Variants in DCLK1 observed in about 807,000 individuals in gnomAD.
The protein encoded by DCLK1 is doublecortin like kinase 1, also known as serine/threonine-protein kinase DCLK1.
A neutral mutation model predicts 86.2 loss-of-function variants in DCLK1; 16 were observed. That is an observed-to-expected ratio of 0.19 (90% CI 0.13 to 0.28). The LOEUF (loss-of-function observed/expected upper bound fraction) is 0.28, where lower values mean the gene tolerates loss of function less well. DCLK1 is among the 10% of genes least tolerant of loss of function. The pLI is 1.00. For synonymous variants in DCLK1, 369 were observed against 370.5 expected (o/e 1.00, Z 0.05); for missense variants, 590 against 940.2 (o/e 0.63, Z 4.87).
chr13:35,769,107 C>A lies in DCLK1; in HGVS notation c.*5428G>T, dbSNP rs943240912. 6 of 152,084 alleles carry A rather than the reference C, an allele frequency of 3.9e-5. No homozygotes were observed. The highest frequency in any genetic ancestry group is 1.4e-4 in the African/African-American group (6 of 41,412). 9.4% of individuals were successfully genotyped at this position (152,084 alleles called of 1,614,324 possible). On this transcript the variant is annotated 3_prime_UTR_variant, in exon 17 of 17. Coordinates refer to ENST00000360631, the MANE Select transcript of DCLK1 (RefSeq NM_001330071.2). ...CACAGATGATTTCATTCCACATTAACCTACATGTATCAGCTTAAACTGAAG... is the reference window on the plus strand; with the variant it reads ...CACAGATGATTTCATTCCACATTAAACTACATGTATCAGCTTAAACTGAAG...
intron 3 of DCLK1, among the ~76,000 whole-genome samples, chr13:36,050,207 A>G (rs1008364242): frequency 6.6e-6 from 1 of 152,210 alleles, no homozygotes; most frequent in Non-Finnish European, 1.5e-5. Context: ...TGGGCCTATT[A>G]ATAGTTGATG....
chr13:35,834,691 C>G (rs1869223746), intron 8 of DCLK1, among the ~76,000 whole-genome samples: 1 of 152,186 alleles, frequency 6.6e-6, no homozygotes, highest in African/African-American at 2.4e-5. Flanking sequence ...AATGGCCAAG[C>G]TTCGTGGAGA....
intron 3 of DCLK1, among the ~76,000 whole-genome samples, chr13:36,099,470 T>G (rs1387099432): frequency 6.6e-6 from 1 of 152,142 alleles, no homozygotes; most frequent in Non-Finnish European, 1.5e-5. Flanking sequence ...AATGCAAGTT[T>G]CTCTAGTAAT....
intron 6 of DCLK1, among the ~76,000 whole-genome samples, chr13:35,852,348 G>A (rs892270942): frequency 1.3e-5 from 2 of 152,150 alleles, no homozygotes; most frequent in Non-Finnish European, 2.9e-5. Flanking sequence ...AAAGCATCTG[G>A]GAATGCCTTC....
intron 4 of DCLK1, among the ~76,000 whole-genome samples, chr13:35,927,135 C>A (rs1398491144): frequency 6.6e-6 from 1 of 152,198 alleles, no homozygotes; most frequent in African/African-American, 2.4e-5. Context: ...TCTTTCAACT[C>A]CAACAATTAG....
chr13:36,077,895 A>T (rs894869798), intron 3 of DCLK1, among the ~76,000 whole-genome samples: 18 of 152,204 alleles, frequency 1.2e-4, no homozygotes, highest in African/African-American at 4.3e-4. Flanking sequence ...CATTAATATG[A>T]CTTTGTGAGC....
Position 36,013,661 on chromosome 13 carries a change from G to C in DCLK1, c.724-66204C>G, listed in dbSNP as rs530350650. Among the ~76,000 whole-genome samples, 15 of 152,304 alleles carry C rather than the reference G, an allele frequency of 9.8e-5. No homozygotes were observed. The East Asian group carries it at 2.9e-3, about 29-fold the overall frequency. ...TCAGACAGGGACATTTAAGTCTGCA[G>C]AGGTTACTGCTGTCTTTTTGTTTGT... On this transcript the variant is annotated intron_variant, in intron 3 of 16. Transcript: ENST00000360631.
At chr13:35,818,199 CT>C (rs1336940467) in intron 11 of DCLK1, among the ~76,000 whole-genome samples, 1 of 152,166 alleles carries the variant, frequency 6.6e-6, no homozygotes, top group Non-Finnish European at 1.5e-5. Flanking sequence ...CCCATTCTCT[CT>C]GTGGCACTCA....
chr13:35,982,801 A>C (rs1388133239), intron 3 of DCLK1, among the ~76,000 whole-genome samples: 1 of 152,034 alleles, frequency 6.6e-6, no homozygotes, highest in Non-Finnish European at 1.5e-5. Context: ...TCATTCTGTC[A>C]CCCAGGTTGG....
chr13:35,962,754 A>G (rs1044125872), intron 3 of DCLK1, among the ~76,000 whole-genome samples: 4 of 152,206 alleles, frequency 2.6e-5, no homozygotes, highest in Non-Finnish European at 4.4e-5. Flanking sequence ...CTGGTAACAT[A>G]CATATGTTCT....
At chr13:36,007,103 A>G (rs1025984074) in intron 3 of DCLK1, among the ~76,000 whole-genome samples, 3 of 152,166 alleles carry the variant, frequency 2.0e-5, no homozygotes, top group Non-Finnish European at 4.4e-5. Context: ...AGCAAGGCTC[A>G]TTGGTCAACT....
Position 36,029,957 on chromosome 13 carries a change from C to T in DCLK1, c.723+81912G>A, listed in dbSNP as rs144612151. Among the ~76,000 whole-genome samples the T allele has an allele frequency of 4.5e-3, 680 of 152,242 alleles. 1 individual carries two copies. Among genetic ancestry groups the T allele is most frequent in the Non-Finnish European group, 8.1e-3 (553 of 68,032 alleles). ...AACAATTAACCTAATTTTACACACA[C>T]GGTTCAGAAAGGTTAAGTAACTTGT... On this transcript the variant is annotated intron_variant, in intron 3 of 16. Transcript: ENST00000360631.
intron 3 of DCLK1, among the ~76,000 whole-genome samples, chr13:36,016,464 C>T (rs1407489360): frequency 2.0e-5 from 3 of 152,108 alleles, no homozygotes; most frequent in Non-Finnish European, 2.9e-5. Context: ...GCCATCCCAA[C>T]CCAGCAATTA....
At chr13:35,866,773 G>A (rs535521828) in intron 5 of DCLK1, among the ~76,000 whole-genome samples, 91 of 152,092 alleles carry the variant, frequency 6.0e-4, no homozygotes, top group Non-Finnish European at 1.1e-3. Flanking sequence ...AATGTTTATG[G>A]AGTATTTAAG....
Position 35,939,444 on chromosome 13 carries a change from C to T in DCLK1, c.823+7914G>A, listed in dbSNP as rs185424609. On this transcript the variant is annotated intron_variant, in intron 4 of 16. Coordinates refer to ENST00000360631, the MANE Select transcript of DCLK1 (RefSeq NM_001330071.2). ...TTGTTTTTTGAGACAAAGTCTCGCT[C>T]TTTTGCCCAGGCAGGAGTGGCGCAA... Among the ~76,000 whole-genome samples the T allele has an allele frequency of 8.7e-4, 132 of 152,358 alleles. 1 individual carries two copies. The highest frequency in any genetic ancestry group is 6.9e-3 in the Admixed American group (105 of 15,304).
At chr13:35,825,916 G>A (rs1012312784) in intron 10 of DCLK1, among the ~76,000 whole-genome samples, 7 of 151,810 alleles carry the variant, frequency 4.6e-5, no homozygotes, top group Middle Eastern at 3.4e-3. Context: ...GGGTTCAAGC[G>A]ATTCTCCTGC....
At chr13:36,091,696 C>T (rs76779084) in intron 3 of DCLK1, among the ~76,000 whole-genome samples, 3 of 152,116 alleles carry the variant, frequency 2.0e-5, no homozygotes, top group Non-Finnish European at 4.4e-5. Flanking sequence ...AAAATAGCCA[C>T]CATTCCTAGC....
At chr13:36,005,452 T>A (rs569482929) in intron 3 of DCLK1, among the ~76,000 whole-genome samples, 4 of 152,346 alleles carry the variant, frequency 2.6e-5, no homozygotes, top group East Asian at 1.9e-4. Context: ...TAATCTTGCA[T>A]CTTGAAAGGC....
Position 35,770,374 on chromosome 13 carries a change from T to A in DCLK1, c.*4161A>T, listed in dbSNP as rs1273916826. On this transcript the variant is annotated 3_prime_UTR_variant, in exon 17 of 17. Transcript: ENST00000360631. ...TTCATATCTGAATTGTCAAAAAATG[T>A]TAATTTTGGAAGTGCTTTTAATCAC... 6.6e-6 allele frequency: 1 copy of A among 152,230 alleles called. No individual in the cohort carries two copies. The highest frequency in any genetic ancestry group is 1.5e-5 in the Non-Finnish European group (1 of 68,044). The allele number at this position is 152,230 out of a possible 1,614,324, so 9.4% of individuals were successfully genotyped here. A position where few individuals can be genotyped will look rare whatever the true frequency, so the allele number is the denominator to read the frequency against.
Sources: gnomAD v4.1 joint callset for allele counts (sites outside exome capture counted in the v4.1 genomes callset) on GRCh38, gnomAD v4.1.1 for gene constraint, MANE v1.5 for transcripts, NCBI Gene and HGNC (gene_info 2026-07-23, HGNC 2026-07-21) for gene names.